TTC7B: variants seen among roughly 807,000 people sequenced by gnomAD.
TTC7B encodes the protein tetratricopeptide repeat protein 7B.
TTC7B carries 28 observed loss-of-function variants against 106.8 expected under a neutral mutation model. The observed-to-expected ratio is 0.26, with a 90% CI of 0.19 to 0.36. The LOEUF is 0.36. Ranked by LOEUF, TTC7B falls within the 10% of genes least tolerant of loss-of-function variation. The pLI is 1.00. For synonymous variants in TTC7B, 405 were observed against 430.6 expected (o/e 0.94, Z 0.74); for missense variants, 862 against 1,076.4 (o/e 0.80, Z 2.79).
intron 17 of TTC7B, among the ~76,000 whole-genome samples, chr14:90,598,721 CA>C (rs1451371554): frequency 1.3e-5 from 2 of 152,208 alleles, no homozygotes; most frequent in Admixed American, 1.3e-4. Context: ...GAAGCTTTTC[CA>C]AAAATCCTTT....
chr14:90,774,754 G>A (rs958808041), intron 3 of TTC7B, among the ~76,000 whole-genome samples: 3 of 152,234 alleles, frequency 2.0e-5, no homozygotes, highest in Non-Finnish European at 4.4e-5. Context: ...AGAGTCCCCC[G>A]CTAGGCTGGG....
intron 3 of TTC7B, among the ~76,000 whole-genome samples, chr14:90,760,228 G>A (rs1890454081): frequency 6.6e-6 from 1 of 152,120 alleles, no homozygotes; most frequent in African/African-American, 2.4e-5. Context: ...CAGAGGTGGG[G>A]GGTTGGCCTG....
intron 15 of TTC7B, among the ~76,000 whole-genome samples, chr14:90,618,948 G>A (rs1446180237): frequency 6.6e-6 from 1 of 152,206 alleles, no homozygotes; most frequent in African/African-American, 2.4e-5. Flanking sequence ...CTGTCACCCA[G>A]GCTAGAGTGC....
rs1417807217 is a variant in TTC7B at position 90,534,427 on chromosome 14, T to C, written c.*6941A>G. ...CAGGCCTCAAAGGCTTATGGTCAAG[T>C]GTGTGGCTGCTTCTGGAGTAGGCAG... On this transcript the variant is annotated 3_prime_UTR_variant, in exon 20 of 20. Transcript: ENST00000328459. 1.3e-5 allele frequency: 2 copies of C among 152,380 alleles called. No homozygotes were observed. The highest frequency in any genetic ancestry group is 2.9e-5 in the Non-Finnish European group (2 of 68,232). 9.4% of individuals were successfully genotyped at this position (152,380 alleles called of 1,614,324 possible). A position where few individuals can be genotyped will look rare whatever the true frequency, so the allele number is the denominator to read the frequency against.
chr14:90,748,431 C>T (rs765047395), intron 3 of TTC7B, among the ~76,000 whole-genome samples: 9 of 152,016 alleles, frequency 5.9e-5, no homozygotes, highest in African/African-American at 1.2e-4. Flanking sequence ...TGGGTTCAAG[C>T]GATTCTCGTG....
At chr14:90,734,435 AAG>A (rs1889441645) in intron 4 of TTC7B, among the ~76,000 whole-genome samples, 2 of 151,660 alleles carry the variant, frequency 1.3e-5, no homozygotes, top group Admixed American at 1.3e-4. Flanking sequence ...AAAAAAAAAA[AAG>A]AAAGGAGGAA....
At chr14:90,622,712 GA>G (rs1236835597) in intron 15 of TTC7B, among the ~76,000 whole-genome samples, 10 of 152,266 alleles carry the variant, frequency 6.6e-5, no homozygotes, top group African/African-American at 2.4e-4. Flanking sequence ...TAGCCTGGGT[GA>G]AAGAGTGAGA....
chr14:90,730,876 CAA>C (rs1439899964), intron 4 of TTC7B, among the ~76,000 whole-genome samples: 1 of 152,156 alleles, frequency 6.6e-6, no homozygotes, highest in Non-Finnish European at 1.5e-5. Context: ...TAGCCCTGCA[CAA>C]AAGACTGCCA....
chr14:90,768,113 T>C (rs1890747885), intron 3 of TTC7B, among the ~76,000 whole-genome samples: 1 of 152,218 alleles, frequency 6.6e-6, no homozygotes, highest in Non-Finnish European at 1.5e-5. Flanking sequence ...TCAGCAGATT[T>C]CTCATCAGAA....
intron 19 of TTC7B, among the ~76,000 whole-genome samples, chr14:90,555,322 C>G (rs1022790444): frequency 3.3e-5 from 5 of 152,180 alleles, no homozygotes; most frequent in African/African-American, 9.7e-5. Context: ...GCACTGCAGG[C>G]CCTTCCTCTA....
intron 6 of TTC7B, 136 bp downstream of exon 6, chr14:90,695,364 T>C (rs577868840): frequency 4.0e-6 from 1 of 251,396 alleles, no homozygotes; most frequent in African/African-American, 4.9e-5. Context: ...ATATGTATAA[T>C]GCATATATGT....
intron 7 of TTC7B, 68 bp downstream of exon 7, chr14:90,689,472 C>A: frequency 7.2e-7 from 1 of 1,396,296 alleles, no homozygotes; most frequent in South Asian, 1.3e-5. Context: ...TACTTCTCAT[C>A]ATCCTTGAAT....
chr14:90,714,454 TA>T (rs377172776), intron 5 of TTC7B, among the ~76,000 whole-genome samples: 18,967 of 135,342 alleles, frequency 0.14, 1,332 homozygotes, highest in African/African-American at 0.18. Flanking sequence ...CACAGCTGTA[TA>T]AATTTTTTTT....
intron 15 of TTC7B, among the ~76,000 whole-genome samples, chr14:90,636,105 A>G (rs978025055): frequency 6.6e-6 from 1 of 151,322 alleles, no homozygotes; most frequent in African/African-American, 2.4e-5. Context: ...TGGGCAACAG[A>G]GTGAGACTCC....
At chr14:90,616,071 G>A (rs1457716511) in intron 16 of TTC7B, among the ~76,000 whole-genome samples, 1 of 152,192 alleles carries the variant, frequency 6.6e-6, no homozygotes, top group Non-Finnish European at 1.5e-5. Context: ...AATATTCTTG[G>A]TTGCTAAGTG....
chr14:90,534,802 G>A lies in TTC7B; in HGVS notation c.*6566C>T, dbSNP rs1408450451. The A allele has an allele frequency of 1.3e-5, 2 of 152,310 alleles. No individual in the cohort carries two copies. The highest frequency in any genetic ancestry group is 6.6e-5 in the Admixed American group (1 of 15,264). 9.4% of individuals were successfully genotyped at this position (152,310 alleles called of 1,614,324 possible). A position where few individuals can be genotyped will look rare whatever the true frequency, so the allele number is the denominator to read the frequency against. On this transcript the variant is annotated 3_prime_UTR_variant, in exon 20 of 20. Coordinates refer to ENST00000328459, the MANE Select transcript of TTC7B (RefSeq NM_001010854.2). ...ACCTGGGCTGGGGCTGGGGCAGCAG[G>A]TGACAGGCTGGTGACAGGCCCAGCA...
Position 90,664,288 on chromosome 14 carries a change from G to C in TTC7B, c.1153-5901C>G, listed in dbSNP as rs565776688. Among the ~76,000 whole-genome samples, 86 of 152,028 alleles carry C rather than the reference G, an allele frequency of 5.7e-4. 1 individual carries two copies. The highest frequency in any genetic ancestry group is 3.9e-3 in the South Asian group (19 of 4,812). ...TATTTTTTTAATATTTATTTATTTT[G>C]AGACAGGGTCTTGCTCTGTCACCCA... On this transcript the variant is annotated intron_variant, in intron 9 of 19. Coordinates refer to ENST00000328459, the MANE Select transcript of TTC7B (RefSeq NM_001010854.2).
intron 6 of TTC7B, among the ~76,000 whole-genome samples, chr14:90,693,852 T>G (rs1251025461): frequency 1.3e-5 from 2 of 152,194 alleles, no homozygotes. Context: ...ATTCCACTTC[T>G]AAGTATACAG....
intron 15 of TTC7B, among the ~76,000 whole-genome samples, chr14:90,643,161 C>G (rs1333631594): frequency 6.6e-6 from 1 of 152,128 alleles, no homozygotes; most frequent in Admixed American, 6.5e-5. Context: ...GTAATCCCAG[C>G]ACTTTGGGAG....
Sources: gnomAD v4.1 joint callset for allele counts (sites outside exome capture counted in the v4.1 genomes callset) on GRCh38, gnomAD v4.1.1 for gene constraint, MANE v1.5 for transcripts, NCBI Gene and HGNC (gene_info 2026-07-23, HGNC 2026-07-21) for gene names.